The following EPHA6 variants were observed in gnomAD, a reference collection of about 807,000 sequenced individuals.
EPHA6 encodes the protein ephrin type-A receptor 6.
Under a neutral mutation model 112.0 loss-of-function variants are expected in EPHA6, and 50 were observed. That is an observed-to-expected ratio of 0.45 (90% confidence interval 0.36 to 0.56). The LOEUF (loss-of-function observed/expected upper bound fraction) is 0.56. Among genes scored for constraint, EPHA6 ranks in the 20% least tolerant of loss-of-function variants. EPHA6 has a pLI of 0.00. For synonymous variants in EPHA6, 529 were observed against 490.7 expected (o/e 1.08, Z -1.03); for missense variants, 1,280 against 1,417.4 (o/e 0.90, Z 1.56).
intron 5 of EPHA6, among the ~76,000 whole-genome samples, chr3:97,358,679 T>A (rs2084209403): frequency 6.6e-6 from 1 of 152,132 alleles, no homozygotes. Context: ...TCAAGTTACT[T>A]ACTGTCTAAT....
intron 15 of EPHA6, among the ~76,000 whole-genome samples, chr3:97,731,493 G>A (rs1357199615): frequency 6.6e-6 from 1 of 151,980 alleles, no homozygotes; most frequent in Admixed American, 6.6e-5. Context: ...CTGGGGGAAT[G>A]CGTCAAGATG....
rs367678192 is a variant in EPHA6 at position 97,479,349 on chromosome 3, T to A, written c.2059T>A (p.Leu687Ile). The A allele has an allele frequency of 1.8e-4, 293 of 1,606,310 alleles. 2 individuals are homozygous for A. In the South Asian group the frequency reaches 3.1e-3, roughly 17 times the overall value. ...MKSEEKRRNHLQNGHLRFPGI... is the reference protein window; with the variant it reads ...MKSEEKRRNHIQNGHLRFPGI... ...GTCAGAAGAGAAGAGAAGAAACCAC[T>A]TACAGAATGGGCATTGTAAGTAGCG... The change falls in exon 9 of 18, where the codon TTA (leucine) becomes ATA (isoleucine). Residue 687 changes from leucine to isoleucine, a missense_variant. Transcript: ENST00000389672.
chr3:97,463,649 G>A (rs1486563561), intron 7 of EPHA6, among the ~76,000 whole-genome samples: 1 of 152,026 alleles, frequency 6.6e-6, no homozygotes, highest in Non-Finnish European at 1.5e-5. Context: ...AAAGTTTTTT[G>A]TTTGTTTGTA....
At chr3:96,970,732 G>A (rs868546922) in intron 2 of EPHA6, among the ~76,000 whole-genome samples, 16 of 152,048 alleles carry the variant, frequency 1.1e-4, no homozygotes, top group Admixed American at 2.0e-4. Context: ...TACGGTCTAC[G>A]TAAATTTATC....
chr3:97,667,897 G>A lies in EPHA6; in HGVS notation c.2784+29815G>A, dbSNP rs535510839. Among the ~76,000 whole-genome samples the A allele has an allele frequency of 1.6e-3, 246 of 152,230 alleles. 3 individuals are homozygous for A. The highest frequency in any genetic ancestry group is 0.014 in the South Asian group (69 of 4,828). On this transcript the variant is annotated intron_variant, in intron 14 of 17. Coordinates refer to ENST00000389672, the MANE Select transcript of EPHA6 (RefSeq NM_001080448.3). ...TGTTCAAGTCTGTGTTGACTCGCTC[G>A]TAACTTCTTGGAACTAAAAGAGCAA...
chr3:96,988,961 C>T (rs557499861), intron 3 of EPHA6, among the ~76,000 whole-genome samples: 22 of 151,832 alleles, frequency 1.4e-4, no homozygotes, highest in African/African-American at 2.2e-4. Context: ...AAAGAGCATA[C>T]GTTTGATTAT....
chr3:97,457,975 G>A (rs572946716), intron 7 of EPHA6, among the ~76,000 whole-genome samples: 1 of 150,106 alleles, frequency 6.7e-6, no homozygotes, highest in South Asian at 2.1e-4. Flanking sequence ...GGCTGAGGCA[G>A]GAGAATGGCG....
chr3:97,694,720 A>G (rs561872384), intron 14 of EPHA6, among the ~76,000 whole-genome samples: 9 of 152,374 alleles, frequency 5.9e-5, no homozygotes, highest in South Asian at 4.1e-4. Context: ...CAGGCTGCAG[A>G]AACTTCCATT....
intron 14 of EPHA6, among the ~76,000 whole-genome samples, chr3:97,678,988 T>A (rs1349745048): frequency 6.6e-6 from 1 of 152,230 alleles, no homozygotes; most frequent in African/African-American, 2.4e-5. Context: ...TTTATTGTGA[T>A]AACTATATGC....
At chr3:96,951,708 G>T (rs1296114433) in intron 2 of EPHA6, among the ~76,000 whole-genome samples, 1 of 152,114 alleles carries the variant, frequency 6.6e-6, no homozygotes, top group African/African-American at 2.4e-5. Flanking sequence ...ATACAAATCA[G>T]AGTGCCGAGG....
intron 11 of EPHA6, among the ~76,000 whole-genome samples, chr3:97,552,460 T>G (rs1430657371): frequency 6.6e-6 from 1 of 152,120 alleles, no homozygotes; most frequent in Non-Finnish European, 1.5e-5. Context: ...CTAAATCAAG[T>G]TTGAATCCCA....
At chr3:97,564,589 A>T (rs905132284) in intron 11 of EPHA6, among the ~76,000 whole-genome samples, 4 of 152,206 alleles carry the variant, frequency 2.6e-5, no homozygotes, top group Non-Finnish European at 5.9e-5. Context: ...TTTAGAAATC[A>T]CAGAGTATTA....
At chr3:97,228,666 T>C (rs2078433132) in intron 4 of EPHA6, among the ~76,000 whole-genome samples, 1 of 152,076 alleles carries the variant, frequency 6.6e-6, no homozygotes, top group Non-Finnish European at 1.5e-5. Context: ...CAATTGCAAA[T>C]TGTGCTCCTA....
chr3:97,099,579 C>T (rs555865947), intron 3 of EPHA6, among the ~76,000 whole-genome samples: 2 of 151,860 alleles, frequency 1.3e-5, no homozygotes, highest in East Asian at 3.9e-4. Flanking sequence ...ATGAAATTTC[C>T]CAGCATATCT....
At chr3:97,131,505 A>C (rs968891901) in intron 3 of EPHA6, among the ~76,000 whole-genome samples, 1 of 152,148 alleles carries the variant, frequency 6.6e-6, no homozygotes, top group African/African-American at 2.4e-5. Context: ...ATAAACAAGT[A>C]AGTATGAGGT....
intron 5 of EPHA6, among the ~76,000 whole-genome samples, chr3:97,291,386 C>G (rs535788247): frequency 6.6e-6 from 1 of 152,266 alleles, no homozygotes; most frequent in South Asian, 2.1e-4. Context: ...TTAGATCCCT[C>G]TGGTCATTGT....
intron 3 of EPHA6, among the ~76,000 whole-genome samples, chr3:97,087,884 C>T (rs1004609043): frequency 5.3e-5 from 8 of 152,052 alleles, no homozygotes; most frequent in African/African-American, 1.7e-4. Flanking sequence ...ACCTTCATTT[C>T]CCATTAAAAT....
intron 3 of EPHA6, among the ~76,000 whole-genome samples, chr3:97,223,673 T>A (rs763019581): frequency 2.6e-5 from 4 of 152,116 alleles, no homozygotes; most frequent in African/African-American, 9.7e-5. Context: ...AATACAGTCT[T>A]ATACATGTTT....
At chr3:97,007,824 T>C (rs1268157787) in intron 3 of EPHA6, among the ~76,000 whole-genome samples, 2 of 152,160 alleles carry the variant, frequency 1.3e-5, no homozygotes, top group Admixed American at 6.5e-5. Flanking sequence ...TGAGCATTTG[T>C]TTGTCTGTAA....
Sources: gnomAD v4.1 joint callset for allele counts (sites outside exome capture counted in the v4.1 genomes callset) on GRCh38, gnomAD v4.1.1 for gene constraint, MANE v1.5 for transcripts, NCBI Gene and HGNC (gene_info 2026-07-23, HGNC 2026-07-21) for gene names.